UBE2E2: variants seen among roughly 807,000 people sequenced by gnomAD.
The protein encoded by UBE2E2 is ubiquitin-conjugating enzyme E2 E2.
UBE2E2 carries 6 observed loss-of-function variants against 24.7 expected under a neutral mutation model. The observed-to-expected ratio is 0.24, with a 90% CI of 0.13 to 0.48. UBE2E2 has a LOEUF of 0.48. UBE2E2 is among the 20% of genes least tolerant of loss of function. The probability of loss-of-function intolerance (pLI) is 0.99; values close to 1 mark genes in which losing one functional copy is unlikely to be tolerated. For missense variants in UBE2E2, 169 were observed against 245.0 expected (o/e 0.69, Z 2.07); for synonymous variants, 104 against 83.6 (o/e 1.24, Z -1.33).
intron 3 of UBE2E2, among the ~76,000 whole-genome samples, chr3:23,327,864 G>C (rs1694946103): frequency 6.6e-6 from 1 of 152,112 alleles, no homozygotes; most frequent in Non-Finnish European, 1.5e-5. Flanking sequence ...TCAGGGTTCT[G>C]ATTTCATGAA....
At chr3:23,488,770 C>T (rs1665116819) in intron 3 of UBE2E2, among the ~76,000 whole-genome samples, 1 of 152,088 alleles carries the variant, frequency 6.6e-6, no homozygotes, top group Non-Finnish European at 1.5e-5. Flanking sequence ...TCCACAGTTT[C>T]CCTGCCTAAC....
intron 3 of UBE2E2, among the ~76,000 whole-genome samples, chr3:23,371,971 A>G (rs1457004031): frequency 1.3e-5 from 2 of 152,054 alleles, no homozygotes; most frequent in Non-Finnish European, 2.9e-5. Flanking sequence ...TATAAAAATT[A>G]GCCGGCTGTG....
chr3:23,260,303 C>T (rs1450833982), intron 3 of UBE2E2, among the ~76,000 whole-genome samples: 1 of 152,056 alleles, frequency 6.6e-6, no homozygotes, highest in Non-Finnish European at 1.5e-5. Context: ...AATTATTAGC[C>T]TGTGCCAAAT....
chr3:23,256,586 A>G (rs1697728046), intron 3 of UBE2E2, among the ~76,000 whole-genome samples: 2 of 152,158 alleles, frequency 1.3e-5, no homozygotes, highest in East Asian at 1.9e-4. Flanking sequence ...TGTTGAGGTT[A>G]TGGTTAATTT....
intron 5 of UBE2E2, among the ~76,000 whole-genome samples, chr3:23,549,362 A>C (rs570761912): frequency 6.6e-6 from 1 of 152,314 alleles, no homozygotes; most frequent in Admixed American, 6.5e-5. Flanking sequence ...TCTTTTCAGC[A>C]AACCTTATGA....
At chr3:23,248,182 C>T (rs1401950727) in intron 3 of UBE2E2, among the ~76,000 whole-genome samples, 1 of 152,198 alleles carries the variant, frequency 6.6e-6, no homozygotes. Context: ...TTCAGCTTCA[C>T]ACATTTCTGT....
At chr3:23,576,863 C>T (rs1157144864) in intron 5 of UBE2E2, among the ~76,000 whole-genome samples, 1 of 151,288 alleles carries the variant, frequency 6.6e-6, no homozygotes, top group Admixed American at 6.6e-5. Flanking sequence ...AGCTAAAAGG[C>T]AGTACTGGCA....
chr3:23,486,166 A>G (rs930364894), intron 3 of UBE2E2, among the ~76,000 whole-genome samples: 7 of 152,168 alleles, frequency 4.6e-5, no homozygotes, highest in African/African-American at 1.7e-4. Context: ...TGAGTGAGCA[A>G]TCATGAGGTC....
intron 5 of UBE2E2, among the ~76,000 whole-genome samples, chr3:23,574,258 G>T (rs1696293191): frequency 6.6e-6 from 1 of 152,118 alleles, no homozygotes; most frequent in East Asian, 1.9e-4. Context: ...AGGGAAGTGA[G>T]CACAGCTAAT....
intron 5 of UBE2E2, among the ~76,000 whole-genome samples, chr3:23,568,173 A>C (rs1242134892): frequency 6.6e-6 from 1 of 152,220 alleles, no homozygotes; most frequent in African/African-American, 2.4e-5. Flanking sequence ...GCTCAAGTTC[A>C]GATTCCCACA....
At chr3:23,404,441 A>T (rs1314237358) in intron 3 of UBE2E2, among the ~76,000 whole-genome samples, 2 of 152,006 alleles carry the variant, frequency 1.3e-5, no homozygotes, top group African/African-American at 4.8e-5. Context: ...TAGCCCATAA[A>T]CTCTTATCAT....
intron 3 of UBE2E2, among the ~76,000 whole-genome samples, chr3:23,333,748 T>C (rs1575567300): frequency 6.6e-6 from 1 of 152,288 alleles, no homozygotes; most frequent in East Asian, 1.9e-4. Flanking sequence ...AAATATTTGC[T>C]TCTGAGTATT....
intron 3 of UBE2E2, among the ~76,000 whole-genome samples, chr3:23,258,724 T>C (rs941274334): frequency 6.6e-6 from 1 of 151,732 alleles, no homozygotes; most frequent in African/African-American, 2.4e-5. Flanking sequence ...AAACCTTGTC[T>C]CTACTAAAAA....
intron 3 of UBE2E2, among the ~76,000 whole-genome samples, chr3:23,490,174 A>T (rs1349519870): frequency 6.6e-6 from 1 of 152,210 alleles, no homozygotes; most frequent in Admixed American, 6.5e-5. Flanking sequence ...GTTATAAAAA[A>T]ATTGAACTCT....
intron 3 of UBE2E2, chr3:23,270,801 G>T (rs1575521383): frequency 2.5e-6 from 1 of 394,126 alleles, no homozygotes; most frequent in East Asian, 7.2e-5. Context: ...AACAGTTTCA[G>T]GAATTCATTT....
intron 3 of UBE2E2, among the ~76,000 whole-genome samples, chr3:23,490,464 TTC>T (rs1457097840): frequency 6.6e-6 from 1 of 152,248 alleles, no homozygotes; most frequent in Non-Finnish European, 1.5e-5. Flanking sequence ...GCTTCCCAGT[TTC>T]TCTGCTTATC....
In UBE2E2 at chr3:23,588,977, C is replaced by G. The variant is rs76645187; in HGVS notation, c.509-757C>G. ...TCCAGCTCAGACTCTGGCGTCTCCTCAGATAAGGTAATCTGGCAGGAGAAT... is the reference window on the plus strand; with the variant it reads ...TCCAGCTCAGACTCTGGCGTCTCCTGAGATAAGGTAATCTGGCAGGAGAAT... On this transcript the variant is annotated intron_variant, in intron 5 of 5. Transcript: ENST00000396703. Among the ~76,000 whole-genome samples, 217 of 152,268 alleles carry G rather than the reference C, an allele frequency of 1.4e-3. 1 individual carries two copies. The highest frequency in any genetic ancestry group is 4.2e-3 in the African/African-American group (175 of 41,562).
chr3:23,412,081 A>G (rs551100055), intron 3 of UBE2E2, among the ~76,000 whole-genome samples: 109 of 152,244 alleles, frequency 7.2e-4, no homozygotes, highest in African/African-American at 2.5e-3. Context: ...TGGACCCCAT[A>G]TCTAGCCAAC....
At chr3:23,487,119 G>C (rs1195388461) in intron 3 of UBE2E2, among the ~76,000 whole-genome samples, 1 of 152,224 alleles carries the variant, frequency 6.6e-6, no homozygotes, top group Non-Finnish European at 1.5e-5. Flanking sequence ...AAGCTTCAGA[G>C]GCGGCCAAGG....
Sources: gnomAD v4.1 joint callset for allele counts (sites outside exome capture counted in the v4.1 genomes callset) on GRCh38, gnomAD v4.1.1 for gene constraint, MANE v1.5 for transcripts, NCBI Gene and HGNC (gene_info 2026-07-23, HGNC 2026-07-21) for gene names.